Variants in TEX11 observed in about 807,000 individuals in gnomAD.
TEX11 encodes testis-expressed protein 11.
A neutral mutation model predicts 84.4 loss-of-function variants in TEX11; 7 were observed. That is an observed-to-expected ratio of 0.08 (90% CI 0.05 to 0.16). The LOEUF (loss-of-function observed/expected upper bound fraction) is 0.16, where lower values mean the gene tolerates loss of function less well. Ranked by LOEUF, TEX11 falls within the 10% of genes least tolerant of loss-of-function variation. The pLI is 1.00. For synonymous variants in TEX11, 264 were observed against 222.8 expected, an observed-to-expected ratio of 1.18 and a Z score of -1.64; for missense variants, 551 against 660.5, an observed-to-expected ratio of 0.83 and a Z score of 1.82.
At chrX:70,641,944 CA>C (rs2089665320) in intron 17 of TEX11, among the ~76,000 whole-genome samples, 1 of 110,878 alleles carries the variant, frequency 9.0e-6, no homozygotes. Flanking sequence ...GAAATAGAGA[CA>C]CAAAAAAGCC....
At chrX:70,797,917 T>C (rs1444066283) in intron 9 of TEX11, among the ~76,000 whole-genome samples, 2 of 89,500 alleles carry the variant, frequency 2.2e-5, no homozygotes, top group Middle Eastern at 4.9e-3. Context: ...GGTAAAAAGG[T>C]TAAAACATTT....
intron 8 of TEX11, among the ~76,000 whole-genome samples, chrX:70,812,265 C>T (rs752343017): frequency 9.2e-4 from 100 of 108,615 alleles, no homozygotes; most frequent in Non-Finnish European, 1.7e-3. Flanking sequence ...ATTACAGTGG[C>T]GCACGATCTC....
At chrX:70,750,361 G>A (rs940150520) in intron 9 of TEX11, among the ~76,000 whole-genome samples, 15 of 111,745 alleles carry the variant, frequency 1.3e-4, no homozygotes, top group Non-Finnish European at 2.8e-4. Context: ...GGAAGTCAGT[G>A]TGGTGATTCC....
chrX:70,843,777 T>C (rs761948683), intron 7 of TEX11, among the ~76,000 whole-genome samples: 2 of 111,185 alleles, frequency 1.8e-5, no homozygotes, highest in East Asian at 2.8e-4. Flanking sequence ...AAACTAACAA[T>C]ACCATCAACA....
chrX:70,520,038 A>G, the TEX11 span, among the ~76,000 whole-genome samples: 1 of 111,371 alleles, frequency 9.0e-6, no homozygotes, highest in Non-Finnish European at 1.9e-5. Flanking sequence ...CAAGGTTTTT[A>G]GCTTCCTTGC....
chrX:70,817,198 TAC>T lies in TEX11; in HGVS notation c.607-10410_607-10409del, dbSNP rs1192262539. 3.7e-4 allele frequency among the ~76,000 whole-genome samples: 39 copies of T among 104,695 alleles called. No homozygotes were observed. In the East Asian group the frequency reaches 5.1e-3, roughly 14 times the overall value. The allele number at this position is 104,695 out of a possible 115,157, so 90.9% of individuals were successfully genotyped here. ...TGTATATAATATAGATATATATACA[TAC>T]ACACACACATATTTATATACACATA... On this transcript the variant is annotated intron_variant, in intron 8 of 29. Coordinates refer to ENST00000374333, the MANE Select transcript of TEX11 (RefSeq NM_031276.3).
At chrX:70,904,767 G>T (rs956919628) in intron 2 of TEX11, among the ~76,000 whole-genome samples, 1 of 111,731 alleles carries the variant, frequency 9.0e-6, no homozygotes, top group Non-Finnish European at 1.9e-5. Flanking sequence ...TAAAATACAT[G>T]CCAGACTTCA....
intron 29 of TEX11, 144 bp downstream of exon 29, chrX:70,529,691 G>A: frequency 1.7e-6 from 1 of 590,964 alleles, no homozygotes; most frequent in Non-Finnish European, 2.5e-6. Flanking sequence ...CCTGATTCTT[G>A]AAGTTATGTG....
intron 25 of TEX11, among the ~76,000 whole-genome samples, chrX:70,558,800 T>A (rs1281529297): frequency 8.9e-6 from 1 of 111,926 alleles, no homozygotes; most frequent in Non-Finnish European, 1.9e-5. Flanking sequence ...AATAACCATC[T>A]GAAAAGATGC....
chrX:70,732,437 A>G (rs1310786605), intron 11 of TEX11, among the ~76,000 whole-genome samples: 4 of 111,740 alleles, frequency 3.6e-5, no homozygotes, highest in Non-Finnish European at 5.6e-5. Flanking sequence ...TAAGCTGATA[A>G]GCAACTTCAG....
intron 22 of TEX11, 46 bp downstream of exon 22, chrX:70,609,045 T>C: frequency 9.5e-7 from 1 of 1,052,367 alleles, no homozygotes; most frequent in Non-Finnish European, 1.3e-6. Context: ...TCTGTCTAAT[T>C]CCACCACCCC....
intron 11 of TEX11, among the ~76,000 whole-genome samples, chrX:70,738,921 G>A (rs2090715316): frequency 9.1e-6 from 1 of 110,419 alleles, no homozygotes; most frequent in Non-Finnish European, 1.9e-5. Context: ...GACACAGGGA[G>A]GGGAACATCC....
At chrX:70,735,046 CA>C (rs1314281761) in intron 11 of TEX11, among the ~76,000 whole-genome samples, 4 of 111,299 alleles carry the variant, frequency 3.6e-5, no homozygotes, top group Non-Finnish European at 7.6e-5. Flanking sequence ...TCTTTATTTA[CA>C]AAAAATATGA....
At chrX:70,791,224 C>G (rs1184537328) in intron 9 of TEX11, among the ~76,000 whole-genome samples, 1 of 111,549 alleles carries the variant, frequency 9.0e-6, no homozygotes, top group African/African-American at 3.3e-5. Context: ...ATTCTTATAT[C>G]AGATAAAACA....
intron 28 of TEX11, among the ~76,000 whole-genome samples, chrX:70,545,606 T>C (rs2088112211): frequency 8.9e-6 from 1 of 112,443 alleles, no homozygotes; most frequent in African/African-American, 3.2e-5. Context: ...AAAAGGAATA[T>C]ACTTTAAAAT....
intron 11 of TEX11, among the ~76,000 whole-genome samples, chrX:70,727,942 A>T (rs1215840943): frequency 1.8e-5 from 2 of 112,494 alleles, no homozygotes; most frequent in Non-Finnish European, 3.8e-5. Flanking sequence ...GTATTTAGTT[A>T]TAACAGCTCA....
At chrX:70,811,758 G>T (rs1171343593) in intron 8 of TEX11, among the ~76,000 whole-genome samples, 1 of 110,814 alleles carries the variant, frequency 9.0e-6, no homozygotes, top group African/African-American at 3.3e-5. Context: ...GTTTTGATTT[G>T]CATTTCTCTG....
In TEX11 at chrX:70,731,975, C is replaced by T. The variant is rs780598591; in HGVS notation, c.844-6632G>A. Reference sequence around the variant, plus strand: ...CCACCATGATCAAGTGGACTTCATCCCTGGGATGCGAGGCTGGTTCAACAT... The same window carrying T: ...CCACCATGATCAAGTGGACTTCATCTCTGGGATGCGAGGCTGGTTCAACAT... On this transcript the variant is annotated intron_variant, in intron 11 of 29. Coordinates refer to ENST00000374333, the MANE Select transcript of TEX11 (RefSeq NM_031276.3). Among the ~76,000 whole-genome samples the T allele has an allele frequency of 6.3e-5, 7 of 111,978 alleles. No individual in the cohort carries two copies. The East Asian group carries it at 1.7e-3, about 27-fold the overall frequency.
intron 19 of TEX11, 71 bp downstream of exon 19, chrX:70,624,768 G>A: frequency 1.2e-6 from 1 of 842,963 alleles, no homozygotes; most frequent in Non-Finnish European, 1.7e-6. Context: ...GCACTATTTT[G>A]GCAGTTTATT....
Sources: allele counts gnomAD v4.1 joint callset (sites outside exome capture counted in the v4.1 genomes callset), GRCh38; gene constraint gnomAD v4.1.1; transcripts MANE v1.5; gene names NCBI Gene and HGNC (gene_info 2026-07-23, HGNC 2026-07-21).